L3MBTL1: variants seen among roughly 807,000 people sequenced by gnomAD.
L3MBTL1 encodes lethal(3)malignant brain tumor-like protein 1.
A neutral mutation model predicts 105.3 loss-of-function variants in L3MBTL1; 75 were observed. The ratio of observed to expected loss-of-function variants is 0.71; its 90% CI spans 0.59 to 0.86. The LOEUF is 0.86. L3MBTL1 is among the 40% of genes least tolerant of loss of function. The pLI is 0.00. For missense variants in L3MBTL1, 1,069 were observed against 1,126.4 expected (o/e 0.95, Z 0.73); for synonymous variants, 452 against 436.2 (o/e 1.04, Z -0.45).
chr20:43,536,372 T>C (rs1256666555), intron 18 of L3MBTL1, 37 bp from the exon 19 acceptor site: 1 of 1,613,734 alleles, frequency 6.2e-7, no homozygotes, highest in Admixed American at 1.7e-5. Flanking sequence ...GGCCAGACAC[T>C]GATTCCCTGC....
chr20:43,531,302 CCAA>C (rs1178043738), intron 11 of L3MBTL1: 2 of 168,210 alleles, frequency 1.2e-5, no homozygotes, highest in African/African-American at 4.8e-5. Flanking sequence ...CCATTTATTT[CCAA>C]CAATTCATCC....
chr20:43,523,134 T>C (rs1051200522), intron 7 of L3MBTL1: 6 of 151,720 alleles, frequency 4.0e-5, no homozygotes, highest in Non-Finnish European at 7.4e-5. Context: ...ATAAATAAAG[T>C]AAAATGTCAG....
intron 16 of L3MBTL1, 29 bp from the exon 17 acceptor site, chr20:43,535,808 T>A (rs765063601): frequency 1.4e-6 from 2 of 1,477,754 alleles, no homozygotes; most frequent in East Asian, 4.5e-5. Flanking sequence ...CAGGACTCCA[T>A]GAGGACCGCC....
At chr20:43,547,127 C>T (rs6103376) in intron 18 of L3MBTL1, among the ~76,000 whole-genome samples, 72,616 of 133,132 alleles carry the variant, frequency 0.55, 19,242 homozygotes, top group Non-Finnish European at 0.59. Context: ...TTTTTTGAGA[C>T]GGAGTCTCGC....
At chr20:43,509,434 C>T (rs571228311) in intron 1 of L3MBTL1, among the ~76,000 whole-genome samples, 1 of 152,322 alleles carries the variant, frequency 6.6e-6, no homozygotes, top group East Asian at 1.9e-4. Context: ...ACTATGTTGG[C>T]CATGCTGGTC....
Position 43,536,103 on chromosome 20 carries a change from C to T in L3MBTL1, c.1932C>T (p.Cys644=), listed in dbSNP as rs1172050891. 2.5e-6 allele frequency: 4 copies of T among 1,612,840 alleles called. No homozygotes were observed. The highest frequency in any genetic ancestry group is 1.3e-5 in the African/African-American group (1 of 74,948). The part of the protein sequence containing the change: ...TSKYSFHHRK[C]PTPGCDGSGH... ...GAAGTCTCTTCTTCCCCAGGAAGTG[C>T]CCCACTCCTGGTTGCGACGGCTCTG... Residue 644 remains cysteine (C), a synonymous_variant, in exon 18 of 22, where the codon TGC becomes TGT. Coordinates refer to ENST00000418998, the MANE Select transcript of L3MBTL1 (RefSeq NM_001377303.1).
intron 9 of L3MBTL1, among the ~76,000 whole-genome samples, 178 bp from the exon 10 acceptor site, chr20:43,530,106 T>G (rs767655227): frequency 6.6e-6 from 1 of 152,188 alleles, no homozygotes; most frequent in Non-Finnish European, 1.5e-5. Flanking sequence ...GTACATGAAC[T>G]GTCCTCACTG....
In L3MBTL1 at chr20:43,541,709, T is replaced by C; in HGVS notation, c.*581T>C. ...TATCAGGTTTCTGTATATGTTCCAC[T>C]ATAATCTTATGGGACCATGGTTTTA... On this transcript the variant is annotated 3_prime_UTR_variant, in exon 22 of 22. Transcript: ENST00000418998. 5 of 641,696 alleles carry C rather than the reference T, an allele frequency of 7.8e-6. No homozygotes were observed. The highest frequency in any genetic ancestry group is 9.7e-6 in the Non-Finnish European group (5 of 514,640). 39.8% of individuals were successfully genotyped at this position (641,696 alleles called of 1,614,324 possible). A position where few individuals can be genotyped will look rare whatever the true frequency, so the allele number is the denominator to read the frequency against.
downstream of L3MBTL1, among the ~76,000 whole-genome samples, chr20:43,545,060 G>A (rs936038661): frequency 3.9e-5 from 6 of 152,042 alleles, no homozygotes; most frequent in Admixed American, 2.0e-4. Context: ...CCTGAACTTC[G>A]AGATCTCCCT....
At chr20:43,517,896 C>T (rs1568919315) in intron 7 of L3MBTL1, among the ~76,000 whole-genome samples, 1 of 152,234 alleles carries the variant, frequency 6.6e-6, no homozygotes, top group African/African-American at 2.4e-5. Flanking sequence ...CAGAACTTCA[C>T]TATTATGTCT....
chr20:43,535,950 C>T lies in L3MBTL1; in HGVS notation c.1925+14C>T, dbSNP rs779368257. ...CTTTCACCACCGGTGAGTGAAGGTT[C>T]CTGGTGAGAGACCCTCAGCGTTGTT... On this transcript the variant is annotated intron_variant, in intron 17 of 21. Transcript: ENST00000418998. 5.6e-6 allele frequency: 9 copies of T among 1,606,488 alleles called. No individual in the cohort carries two copies. Among genetic ancestry groups the T allele is most frequent in the Non-Finnish European group, 6.0e-6 (7 of 1,174,682 alleles).
rs1197134607 is a variant in L3MBTL1, at chr20:43,516,173, G to A, written c.858G>A (p.Gln286=). The change falls in exon 7 of 22, where the codon CAG becomes CAA. Residue 286 remains glutamine (Q), a synonymous_variant. Coordinates refer to ENST00000418998, the MANE Select transcript of L3MBTL1 (RefSeq NM_001377303.1). ...AGAGTGAGGAGTGGAGCAGCAGCCA[G>A]CCTGGTACGGTGGCTTGTGTGTATA... ...TPESEEWSSS[Q]PATGEKKECW... is the part of the protein sequence containing the mutation. 2 of 1,612,892 alleles carry A rather than the reference G, an allele frequency of 1.2e-6. No homozygotes were observed. Among genetic ancestry groups the A allele is most frequent in the African/African-American group, 2.7e-5 (2 of 74,906 alleles).
In L3MBTL1 at chr20:43,515,004, C is replaced by T. The variant is rs931360472; in HGVS notation, c.503-5C>T. On this transcript the variant is annotated splice_region_variant and splice_polypyrimidine_tract_variant and intron_variant, in intron 4 of 21. Coordinates refer to ENST00000418998, the MANE Select transcript of L3MBTL1 (RefSeq NM_001377303.1). Reference sequence around the variant, plus strand: ...GGAGGCCTGAGGCCCATTTGGCCCCCGCAGAGGACCACCCCCAGAATCCTC... The same window carrying T: ...GGAGGCCTGAGGCCCATTTGGCCCCTGCAGAGGACCACCCCCAGAATCCTC... 13 of 1,613,178 alleles carry T rather than the reference C, an allele frequency of 8.1e-6. No individual in the cohort carries two copies. The highest frequency in any genetic ancestry group is 1.1e-5 in the Non-Finnish European group (13 of 1,179,448).
Position 43,529,335 on chromosome 20 carries a change from C to G in L3MBTL1, c.1023C>G (p.His341Gln). Residue 341 changes from histidine (H) to glutamine (Q), a missense_variant, in exon 9 of 22, where the codon CAC (histidine) becomes CAG (glutamine). Coordinates refer to ENST00000418998, the MANE Select transcript of L3MBTL1 (RefSeq NM_001377303.1). ...GMKLEGIDPQHPSMYFILTVA... is the reference protein window; with the variant it reads ...GMKLEGIDPQQPSMYFILTVA... The stretch of plus-strand genomic sequence containing the variant: ...AGTTGGAAGGCATTGACCCTCAACA[C>G]CCGTCCATGTACTTCATCCTCACCG... 6.2e-7 allele frequency: 1 copy of G among 1,613,136 alleles called. No homozygotes were observed. Among genetic ancestry groups the G allele is most frequent in the South Asian group, 1.1e-5 (1 of 90,596 alleles).
chr20:43,548,141 A>G (rs993839403), exon 19 of L3MBTL1: 2 of 1,303,800 alleles, frequency 1.5e-6, no homozygotes, highest in Non-Finnish European at 2.0e-6. Flanking sequence ...CCTTTTGCTG[A>G]CACAGGCGGA....
At chr20:43,519,296 C>G (rs1207348302) in intron 7 of L3MBTL1, among the ~76,000 whole-genome samples, 2 of 147,424 alleles carry the variant, frequency 1.4e-5, no homozygotes, top group Admixed American at 6.9e-5. Flanking sequence ...GAGAGTGCAC[C>G]ACTGCACTCC....
chr20:43,510,681 T>C (rs1028075851), intron 1 of L3MBTL1, among the ~76,000 whole-genome samples: 3 of 152,074 alleles, frequency 2.0e-5, no homozygotes, highest in African/African-American at 7.2e-5. Flanking sequence ...CTTCCCAAAG[T>C]GCTGGGATTA....
intron 19 of L3MBTL1, among the ~76,000 whole-genome samples, chr20:43,536,944 G>C (rs1312074088): frequency 6.6e-6 from 1 of 152,192 alleles, no homozygotes; most frequent in Non-Finnish European, 1.5e-5. Flanking sequence ...TCTACTATGG[G>C]CCAGGCACTA....
At chr20:43,523,224 T>G (rs928505687) in intron 7 of L3MBTL1, 2 of 155,500 alleles carry the variant, frequency 1.3e-5, no homozygotes, top group Middle Eastern at 6.7e-3. Flanking sequence ...TCTTAAAGAG[T>G]CCAAGCTGGA....
Sources: gnomAD v4.1 joint callset for allele counts (sites outside exome capture counted in the v4.1 genomes callset) on GRCh38, gnomAD v4.1.1 for gene constraint, MANE v1.5 for transcripts, NCBI Gene and HGNC (gene_info 2026-07-23, HGNC 2026-07-21) for gene names.